Variants in FHOD3 observed in about 807,000 individuals in gnomAD.
FHOD3 encodes the protein FH1/FH2 domain-containing protein 3.
Under a neutral mutation model 173.0 loss-of-function variants are expected in FHOD3, and 90 were observed. That is an observed-to-expected ratio of 0.52 (90% CI 0.44 to 0.62). FHOD3 has a LOEUF of 0.62. Ranked by LOEUF, FHOD3 falls within the 20% of genes least tolerant of loss-of-function variation. FHOD3 has a pLI of 0.00. For missense variants in FHOD3, 1,945 were observed against 2,034.7 expected, an observed-to-expected ratio of 0.96 and a Z score of 0.85; for synonymous variants, 828 against 823.0, an observed-to-expected ratio of 1.01 and a Z score of -0.10.
intron 3 of FHOD3, among the ~76,000 whole-genome samples, chr18:36,454,540 A>T (rs569460284): frequency 6.6e-6 from 1 of 152,322 alleles, no homozygotes; most frequent in South Asian, 2.1e-4. Flanking sequence ...TCTTGGAACT[A>T]ACAATTACCT....
intron 11 of FHOD3, among the ~76,000 whole-genome samples, chr18:36,652,095 C>G (rs986344476): frequency 4.6e-5 from 7 of 152,258 alleles, no homozygotes; most frequent in Non-Finnish European, 5.9e-5. Context: ...GAAGCAGTCA[C>G]TAAAGTGTAT....
chr18:36,526,855 A>G (rs10502658), intron 5 of FHOD3, among the ~76,000 whole-genome samples: 61,735 of 152,158 alleles, frequency 0.41, 13,511 homozygotes, highest in Non-Finnish European at 0.49. Flanking sequence ...AGGCTTGAAA[A>G]TAAAGGAGAT....
chr18:36,716,916 G>GTA (rs774758066), intron 18 of FHOD3, among the ~76,000 whole-genome samples: 1 of 110,702 alleles, frequency 9.0e-6, no homozygotes, highest in Non-Finnish European at 2.1e-5. Context: ...ATATGTGTAT[G>GTA]TGTGTGTGTG....
At chr18:36,627,529 T>G (rs1430552048) in intron 10 of FHOD3, among the ~76,000 whole-genome samples, 1 of 152,254 alleles carries the variant, frequency 6.6e-6, no homozygotes. Flanking sequence ...GATGCCACTC[T>G]GAATGCTGTT....
At chr18:36,627,819 A>G (rs752009687) in intron 10 of FHOD3, among the ~76,000 whole-genome samples, 10 of 152,168 alleles carry the variant, frequency 6.6e-5, no homozygotes, top group Non-Finnish European at 1.5e-4. Context: ...TAGCTTAGTC[A>G]CCTGCTCAAC....
chr18:36,596,951 T>G (rs1403253634), intron 7 of FHOD3, among the ~76,000 whole-genome samples: 1 of 152,180 alleles, frequency 6.6e-6, no homozygotes, highest in East Asian at 1.9e-4. Flanking sequence ...AGTGTGTGTT[T>G]TGGCAGCTGG....
At chr18:36,424,366 A>AT (rs540041522) in intron 3 of FHOD3, among the ~76,000 whole-genome samples, 1,583 of 149,532 alleles carry the variant, frequency 0.011, 14 homozygotes, top group Non-Finnish European at 0.015. Context: ...TTATTGTGAG[A>AT]TTTTTTTTTT....
chr18:36,762,852 A>C (rs1443742923), intron 27 of FHOD3, among the ~76,000 whole-genome samples: 1 of 148,022 alleles, frequency 6.8e-6, no homozygotes, highest in Non-Finnish European at 1.5e-5. Context: ...ATATAATCAT[A>C]TATATTATAT....
At chr18:36,421,537 G>A (rs1193364909) in intron 3 of FHOD3, among the ~76,000 whole-genome samples, 4 of 152,172 alleles carry the variant, frequency 2.6e-5, no homozygotes, top group African/African-American at 4.8e-5. Flanking sequence ...TGAAAAAGAC[G>A]ATAGTGATTG....
chr18:36,725,038 C>G (rs1481382070), intron 19 of FHOD3, among the ~76,000 whole-genome samples: 1 of 152,234 alleles, frequency 6.6e-6, no homozygotes, highest in African/African-American at 2.4e-5. Context: ...TGGTTTCCCA[C>G]ACACTATCTC....
At chr18:36,752,521 A>G (rs2042447745) in intron 24 of FHOD3, among the ~76,000 whole-genome samples, 1 of 152,188 alleles carries the variant, frequency 6.6e-6, no homozygotes, top group African/African-American at 2.4e-5. Flanking sequence ...CATATCATGT[A>G]TTCTAAAAGT....
chr18:36,760,488 T>C (rs2150264183), intron 26 of FHOD3, 120 bp from the exon 27 acceptor site: 3 of 888,972 alleles, frequency 3.4e-6, no homozygotes, highest in Middle Eastern at 2.5e-4. Flanking sequence ...CCGTAATGAA[T>C]GTGTCTGCAA....
chr18:36,531,931 A>G (rs1015745874), intron 5 of FHOD3, among the ~76,000 whole-genome samples: 1 of 152,104 alleles, frequency 6.6e-6, no homozygotes, highest in East Asian at 1.9e-4. Context: ...GCACCTCTGC[A>G]TTCCCTTTAT....
At chr18:36,416,219 G>C (rs1377048097) in intron 3 of FHOD3, among the ~76,000 whole-genome samples, 1 of 152,110 alleles carries the variant, frequency 6.6e-6, no homozygotes, top group Non-Finnish European at 1.5e-5. Flanking sequence ...ATTTTTATTA[G>C]AGACAGGGTT....
At chr18:36,692,122 G>T (rs1189208436) in intron 16 of FHOD3, among the ~76,000 whole-genome samples, 2 of 152,244 alleles carry the variant, frequency 1.3e-5, no homozygotes, top group African/African-American at 4.8e-5. Context: ...GGGAAAAGGG[G>T]TGAGGATTAC....
chr18:36,429,987 A>G (rs577992925), intron 3 of FHOD3, among the ~76,000 whole-genome samples: 4 of 152,126 alleles, frequency 2.6e-5, no homozygotes, highest in Non-Finnish European at 5.9e-5. Flanking sequence ...CTGTTACCTC[A>G]TGTGGGCACC....
chr18:36,505,754 G>A (rs2055267913), intron 4 of FHOD3, among the ~76,000 whole-genome samples: 1 of 152,164 alleles, frequency 6.6e-6, no homozygotes, highest in African/African-American at 2.4e-5. Context: ...TAATGTGGAT[G>A]AAAAAACATT....
intron 1 of FHOD3, among the ~76,000 whole-genome samples, chr18:36,316,097 A>G (rs1056521485): frequency 7.1e-6 from 1 of 140,418 alleles, no homozygotes; most frequent in African/African-American, 2.7e-5. Flanking sequence ...TTCTTCCCCC[A>G]CTTTCTCGGA....
chr18:36,560,737 A>T (rs2058052485), intron 5 of FHOD3, among the ~76,000 whole-genome samples: 1 of 152,184 alleles, frequency 6.6e-6, no homozygotes, highest in Non-Finnish European at 1.5e-5. Context: ...TTGGGTTGAA[A>T]GACTGGAGAG....
Sources: allele counts gnomAD v4.1 joint callset (sites outside exome capture counted in the v4.1 genomes callset), GRCh38; gene constraint gnomAD v4.1.1; transcripts MANE v1.5; gene names NCBI Gene and HGNC (gene_info 2026-07-23, HGNC 2026-07-21).